Variants in ABCA8 observed in about 807,000 individuals in gnomAD.
The protein encoded by ABCA8 is ABC-type organic anion transporter ABCA8.
Under a neutral mutation model 192.3 loss-of-function variants are expected in ABCA8, and 177 were observed. The observed-to-expected ratio is 0.92, with a 90% CI of 0.81 to 1.04. ABCA8 has a LOEUF of 1.04. Among genes scored for constraint, ABCA8 ranks in the 50% least tolerant of loss-of-function variants. The pLI is 0.00. For synonymous variants in ABCA8, 642 were observed against 690.2 expected (o/e 0.93, Z 1.09); for missense variants, 1,915 against 1,904.8 (o/e 1.01, Z -0.10).
intron 25 of ABCA8, 82 bp from the exon 26 acceptor site, chr17:68,887,212 C>A: frequency 7.4e-7 from 1 of 1,355,408 alleles, no homozygotes. Context: ...ATTGTCATAG[C>A]CCAGGATTTT....
intron 31 of ABCA8, 48 bp downstream of exon 31, chr17:68,881,814 AC>A (rs758304546): frequency 7.4e-7 from 1 of 1,350,240 alleles, no homozygotes; most frequent in South Asian, 1.2e-5. Context: ...GGAACCAGGA[AC>A]CTCTGAGGAG....
At position 68,911,734 on chromosome 17, in the gene ABCA8, T is replaced by C. The variant is rs952091323; in HGVS notation, c.2139-3855A>G. 2.1e-5 allele frequency among the ~76,000 whole-genome samples: 3 copies of C among 143,978 alleles called. No individual in the cohort carries two copies. In the East Asian group the frequency reaches 6.2e-4, roughly 30 times the overall value. The allele number at this position is 143,978 out of a possible 152,430, so 94.5% of individuals were successfully genotyped here. On this transcript the variant is annotated intron_variant, in intron 17 of 39. Transcript: ENST00000586539. The surrounding 1 kb of genome is among the most constrained non-coding windows in gnomAD (Gnocchi z 5.7). ...CCTCTGCCAGCTCCAGACAGCTCAA[T>C]ACACACACACACACACACACACACA...
At chr17:68,954,584 G>A (rs1490062538) in intron 1 of ABCA8, among the ~76,000 whole-genome samples, 1 of 152,008 alleles carries the variant, frequency 6.6e-6, no homozygotes, top group Non-Finnish European at 1.5e-5. Flanking sequence ...TTCACTATAG[G>A]AGTATGAAAA....
intron 23 of ABCA8, 106 bp from the exon 24 acceptor site, chr17:68,891,702 G>A (rs2066627586): frequency 1.3e-6 from 1 of 790,136 alleles, no homozygotes; most frequent in East Asian, 2.9e-5. Context: ...TCTGCCTTAG[G>A]TCCCTTTTGA....
chr17:68,926,834 C>T (rs746740459), intron 10 of ABCA8, among the ~76,000 whole-genome samples: 1 of 152,202 alleles, frequency 6.6e-6, no homozygotes, highest in Non-Finnish European at 1.5e-5. Context: ...CTCACCCTTT[C>T]CCCTTCTTCC....
rs772630941 is a variant in ABCA8 at position 68,903,326 on chromosome 17, GCTTTAA to G, written c.2566_2571del (p.Leu856_Lys857del). On this transcript the variant is annotated inframe_deletion, in exon 20 of 40. Transcript: ENST00000586539. The stretch of plus-strand genomic sequence containing the variant: ...AGTGCTAAAAGAGCTTTTCTTTCAT[GCTTTAA>G]CTTTAACAAGCGAACCCTTGCAATT... 2.2e-5 allele frequency: 36 copies of G among 1,614,164 alleles called. No individual in the cohort carries two copies. The highest frequency in any genetic ancestry group is 1.0e-4 in the Admixed American group (6 of 60,016).
Position 68,908,806 on chromosome 17 carries a change from G to A in ABCA8, c.2139-927C>T, listed in dbSNP as rs150658028. Reference sequence around the variant, plus strand: ...GAAATATTGTTTTAGCATCTGGAACGTGTTATTTAACTTATCTAAACAGTT... The same window carrying A: ...GAAATATTGTTTTAGCATCTGGAACATGTTATTTAACTTATCTAAACAGTT... On this transcript the variant is annotated intron_variant, in intron 17 of 39. Transcript: ENST00000586539. Among the ~76,000 whole-genome samples the A allele has an allele frequency of 3.3e-4, 50 of 152,256 alleles. No homozygotes were observed. In the East Asian group the frequency reaches 6.8e-3, roughly 21 times the overall value.
chr17:68,918,091 A>C lies in ABCA8; in HGVS notation c.2003T>G (p.Ile668Ser). ...ATCCATGAACTGGGTACTGAAGAGG[A>C]TCACGCGGTCTGTTTTGCGTTCTTT... ...LLKERKTDRV[I>S]LFSTQFMDEA... The change falls in exon 16 of 40, where the codon ATC (isoleucine) becomes AGC (serine). Residue 668 changes from isoleucine to serine, a missense_variant. Physicochemically the swap from Ile to Ser is moderately radical, Grantham distance 142. Coordinates refer to ENST00000586539, the MANE Select transcript of ABCA8 (RefSeq NM_001288985.2). The C allele has an allele frequency of 6.2e-7, 1 of 1,614,186 alleles. No individual in the cohort carries two copies. Among genetic ancestry groups the C allele is most frequent in the Non-Finnish European group, 8.5e-7 (1 of 1,180,026 alleles).
chr17:68,909,956 G>A (rs2067190887), intron 17 of ABCA8, among the ~76,000 whole-genome samples: 1 of 152,170 alleles, frequency 6.6e-6, no homozygotes, highest in Non-Finnish European at 1.5e-5. Context: ...AAAATATTCA[G>A]GTTCAATTTC....
At chr17:68,903,949 G>T (rs1216484052) in intron 19 of ABCA8, among the ~76,000 whole-genome samples, 2 of 152,094 alleles carry the variant, frequency 1.3e-5, no homozygotes, top group Non-Finnish European at 2.9e-5. Context: ...GCATTCATTT[G>T]TGTGTTCTCT....
chr17:68,931,476 G>C (rs1282541034), intron 7 of ABCA8, among the ~76,000 whole-genome samples: 1 of 151,918 alleles, frequency 6.6e-6, no homozygotes, highest in African/African-American at 2.4e-5. Flanking sequence ...TCTGCATTTG[G>C]CTCCTTATTT....
intron 17 of ABCA8, among the ~76,000 whole-genome samples, chr17:68,914,607 T>C (rs114338799): frequency 1.3e-3 from 200 of 152,092 alleles, no homozygotes; most frequent in African/African-American, 4.7e-3. Flanking sequence ...AAGATCTCTA[T>C]AGTGAAAACC....
Position 68,902,772 on chromosome 17 carries a change from A to G in ABCA8, c.2705T>C (p.Leu902Pro). The change falls in exon 21 of 40, where the codon CTT becomes CCT. Residue 902 changes from leucine to proline, a missense_variant. By Grantham distance (98) the Leu-to-Pro change is moderately conservative. Transcript: ENST00000586539. ...GTCATGTGGTTGTTGTCCAGGAGCA[A>G]GGAAATACAAATGAGGAGAAAGTTC... ...TWELSPHLYF[L>P]APGQQPHDPL... 1 of 1,613,870 alleles carries G rather than the reference A, an allele frequency of 6.2e-7. No homozygotes were observed. Among genetic ancestry groups the G allele is most frequent in the Non-Finnish European group, 8.5e-7 (1 of 1,179,790 alleles).
intron 18 of ABCA8, among the ~76,000 whole-genome samples, chr17:68,906,619 A>C (rs1567848738): frequency 1.3e-5 from 2 of 152,166 alleles, no homozygotes; most frequent in Non-Finnish European, 2.9e-5. Flanking sequence ...TGTAGTTTAG[A>C]AAATATTTGT....
chr17:68,940,807 G>A lies in ABCA8; in HGVS notation c.252C>T (p.Asn84=), dbSNP rs2068204283. ...RFSVVYTPVT[N]TTQQIMNKVA... ...CTTTATTCATTATCTGTTGGGTCGT[G>A]TTGGTGACAGGTGTGTATACAACAG... is the stretch of plus-strand genomic sequence containing the variant. The change falls in exon 4 of 40, where the codon AAC becomes AAT. Residue 84 remains asparagine, a synonymous_variant. Coordinates refer to ENST00000586539, the MANE Select transcript of ABCA8 (RefSeq NM_001288985.2). 2 of 1,613,602 alleles carry A rather than the reference G, an allele frequency of 1.2e-6. No individual in the cohort carries two copies. The highest frequency in any genetic ancestry group is 1.7e-6 in the Non-Finnish European group (2 of 1,179,594).
chr17:68,918,531 G>A lies in ABCA8; in HGVS notation c.1804C>T (p.Leu602=). The A allele has an allele frequency of 6.6e-7, 1 of 1,511,558 alleles. No homozygotes were observed. The highest frequency in any genetic ancestry group is 2.3e-5 in the Admixed American group (1 of 43,118). The allele number at this position is 1,511,558 out of a possible 1,614,324, so 93.6% of individuals were successfully genotyped here. The change falls in exon 15 of 40, where the codon CTG becomes TTG. Residue 602 remains leucine, a synonymous_variant. Transcript: ENST00000586539. ...EVDKEIQRVL[L]ELEMKNIQDV... ...TGAATATTTTTCATTTCCAATTCCA[G>A]CAGAACCCTTTGTATCTAACCAAAA...
intron 4 of ABCA8, among the ~76,000 whole-genome samples, chr17:68,939,945 G>A (rs1455872940): frequency 6.6e-6 from 1 of 152,046 alleles, no homozygotes; most frequent in Non-Finnish European, 1.5e-5. Flanking sequence ...ATAAGGCTAA[G>A]AGAAGCTGAT....
chr17:68,949,930 G>C (rs556682859), intron 1 of ABCA8, among the ~76,000 whole-genome samples: 1 of 152,296 alleles, frequency 6.6e-6, no homozygotes, highest in African/African-American at 2.4e-5. Flanking sequence ...CATAGTATTG[G>C]AAGTTCTGGC....
At chr17:68,874,040 G>GCAGT (rs2066137981) in intron 37 of ABCA8, among the ~76,000 whole-genome samples, 2 of 152,176 alleles carry the variant, frequency 1.3e-5, no homozygotes, top group South Asian at 4.1e-4. Context: ...TCAAAAGGAA[G>GCAGT]CAGTTCACAA....
Sources: allele counts gnomAD v4.1 joint callset (sites outside exome capture counted in the v4.1 genomes callset), GRCh38; gene constraint gnomAD v4.1.1; non-coding constraint Gnocchi (gnomAD v3.1); transcripts MANE v1.5; gene names NCBI Gene and HGNC (gene_info 2026-07-23, HGNC 2026-07-21).